The following STARD13 variants were observed in gnomAD, a reference collection of about 807,000 sequenced individuals.
The protein encoded by STARD13 is StAR related lipid transfer domain containing 13.
A neutral mutation model predicts 106.4 loss-of-function variants in STARD13; 62 were observed. The observed-to-expected ratio is 0.58, with a 90% CI of 0.48 to 0.72. STARD13 has a LOEUF of 0.72. Ranked by LOEUF, STARD13 falls within the 30% of genes least tolerant of loss-of-function variation. The pLI is 0.00. For synonymous variants in STARD13, 565 were observed against 553.0 expected (o/e 1.02, Z -0.31); for missense variants, 1,387 against 1,424.0 (o/e 0.97, Z 0.42).
chr13:33,407,171 T>G, the STARD13 span, among the ~76,000 whole-genome samples: 1 of 152,194 alleles, frequency 6.6e-6, no homozygotes. Flanking sequence ...CTACAAAGAC[T>G]AAAGGCATGT....
chr13:33,653,006 A>G, the STARD13 span, among the ~76,000 whole-genome samples: 1 of 152,230 alleles, frequency 6.6e-6, no homozygotes. Flanking sequence ...ACTATAAAAC[A>G]TCACTAAAAG....
chr13:33,651,700 C>T, the STARD13 span, among the ~76,000 whole-genome samples: 1 of 152,206 alleles, frequency 6.6e-6, no homozygotes, highest in African/African-American at 2.4e-5. Flanking sequence ...AGGTGAGCTC[C>T]AGTTCCCTTC....
At chr13:33,303,828 G>A (rs1892807203) in intron 1 of STARD13, among the ~76,000 whole-genome samples, 1 of 152,112 alleles carries the variant, frequency 6.6e-6, no homozygotes, top group African/African-American at 2.4e-5. Flanking sequence ...CTGATGACAA[G>A]GTCTTCATAC....
the STARD13 span, among the ~76,000 whole-genome samples, chr13:33,621,966 G>A: frequency 3.3e-5 from 5 of 151,438 alleles, no homozygotes; most frequent in Admixed American, 6.6e-5. Flanking sequence ...CACCACGCCC[G>A]GCTAATTTTT....
intron 3 of STARD13, among the ~76,000 whole-genome samples, chr13:33,147,331 C>T (rs1194916748): frequency 6.6e-6 from 1 of 152,174 alleles, no homozygotes; most frequent in Non-Finnish European, 1.5e-5. Context: ...CCTAATCTTC[C>T]ACCTTTAGCT....
chr13:33,609,105 A>AAAAAAAAG, the STARD13 span, among the ~76,000 whole-genome samples: 928 of 133,064 alleles, frequency 7.0e-3, 66 homozygotes, highest in African/African-American at 0.027. Flanking sequence ...AAAAAAAAAA[A>AAAAAAAAG]AAATATTGAT....
the STARD13 span, among the ~76,000 whole-genome samples, chr13:33,633,341 G>A: frequency 1.3e-5 from 2 of 152,124 alleles, no homozygotes; most frequent in Non-Finnish European, 2.9e-5. Flanking sequence ...AAATGGAATC[G>A]TAGATCATCT....
At chr13:33,515,477 C>T in the STARD13 span, among the ~76,000 whole-genome samples, 3 of 151,946 alleles carry the variant, frequency 2.0e-5, no homozygotes, top group Non-Finnish European at 4.4e-5. Context: ...TCCAAGGAGA[C>T]GAAACAAGGA....
chr13:33,576,213 A>G, the STARD13 span, among the ~76,000 whole-genome samples: 666 of 152,178 alleles, frequency 4.4e-3, 4 homozygotes, highest in Non-Finnish European at 6.5e-3. Flanking sequence ...TATTTTTAAA[A>G]TTACTGTTGG....
intron 1 of STARD13, among the ~76,000 whole-genome samples, chr13:33,341,444 C>T (rs914527969): frequency 3.9e-5 from 6 of 152,026 alleles, no homozygotes; most frequent in Non-Finnish European, 8.8e-5. Context: ...CAAGACCAAC[C>T]TCGCTAACAT....
the STARD13 span, among the ~76,000 whole-genome samples, chr13:33,540,608 A>G: frequency 1.3e-5 from 2 of 152,246 alleles, no homozygotes; most frequent in African/African-American, 2.4e-5. Flanking sequence ...AACTGAAACT[A>G]TGGAAAGCAA....
At chr13:33,199,174 C>G (rs1435359275) in intron 1 of STARD13, among the ~76,000 whole-genome samples, 1 of 152,208 alleles carries the variant, frequency 6.6e-6, no homozygotes, top group African/African-American at 2.4e-5. Flanking sequence ...ATGCATAAAG[C>G]TTTTCCATTC....
At chr13:33,300,911 C>T (rs1892684774) in intron 1 of STARD13, among the ~76,000 whole-genome samples, 1 of 152,158 alleles carries the variant, frequency 6.6e-6, no homozygotes, top group African/African-American at 2.4e-5. Flanking sequence ...TGAACATGCG[C>T]TTCCCTCGTA....
exon 1 of STARD13, chr13:33,350,454 C>T (rs2078065190): frequency 2.6e-6 from 4 of 1,514,490 alleles, no homozygotes; most frequent in African/African-American, 1.4e-5. Context: ...CTCTCCACCG[C>T]CACTCCCGCG....
At chr13:33,406,427 G>A in the STARD13 span, among the ~76,000 whole-genome samples, 11 of 152,182 alleles carry the variant, frequency 7.2e-5, no homozygotes, top group African/African-American at 1.9e-4. Flanking sequence ...ATTTGAGTAC[G>A]GAGCTCTTGC....
In STARD13 at chr13:33,105,513, C is replaced by A; in HGVS notation, c.*80G>T. 1.0e-6 allele frequency: 1 copy of A among 991,134 alleles called. No individual in the cohort carries two copies. Among genetic ancestry groups the A allele is most frequent in the Non-Finnish European group, 1.6e-6 (1 of 625,462 alleles). 61.4% of individuals were successfully genotyped at this position (991,134 alleles called of 1,614,324 possible). Reference sequence around the variant, plus strand: ...CGTCCTTCAGTTCCTCTTTCTCTCGCTTTCTCACATGCACACTCTCTGCCA... The same window carrying A: ...CGTCCTTCAGTTCCTCTTTCTCTCGATTTCTCACATGCACACTCTCTGCCA... On this transcript the variant is annotated 3_prime_UTR_variant, in exon 14 of 14. Transcript: ENST00000336934.
At chr13:33,628,979 T>A in the STARD13 span, among the ~76,000 whole-genome samples, 1 of 152,236 alleles carries the variant, frequency 6.6e-6, no homozygotes, top group Non-Finnish European at 1.5e-5. Context: ...GTTATGTGAT[T>A]ACGATTACTG....
intron 1 of STARD13, among the ~76,000 whole-genome samples, chr13:33,171,516 G>T (rs960481888): frequency 1.3e-5 from 2 of 152,072 alleles, no homozygotes; most frequent in Non-Finnish European, 2.9e-5. Context: ...TTCTGATAAC[G>T]GAACCTCTTT....
At chr13:33,670,092 G>T in the STARD13 span, among the ~76,000 whole-genome samples, 6 of 152,160 alleles carry the variant, frequency 3.9e-5, no homozygotes, top group East Asian at 1.9e-4. Context: ...TGGGCTGCAG[G>T]ATCCTGAGGG....
Sources: allele counts gnomAD v4.1 joint callset (sites outside exome capture counted in the v4.1 genomes callset), GRCh38; gene constraint gnomAD v4.1.1; transcripts MANE v1.5; gene names NCBI Gene and HGNC (gene_info 2026-07-23, HGNC 2026-07-21).